DGKB: variants seen among roughly 807,000 people sequenced by gnomAD.
DGKB encodes diacylglycerol kinase beta, also known as 90 kDa diacylglycerol kinase.
DGKB carries 67 observed loss-of-function variants against 114.3 expected under a neutral mutation model. That is an observed-to-expected ratio of 0.59 (90% CI 0.48 to 0.72). DGKB has a LOEUF of 0.72. DGKB is among the 30% of genes least tolerant of loss of function. DGKB has a pLI of 0.00. For missense variants in DGKB, 907 were observed against 975.2 expected (o/e 0.93, Z 0.93); for synonymous variants, 398 against 323.1 (o/e 1.23, Z -2.49).
rs192226517 is a variant in DGKB at position 14,784,813 on chromosome 7, G to A, written c.71-27082C>T. 3.9e-3 allele frequency among the ~76,000 whole-genome samples: 590 copies of A among 150,354 alleles called. 12 individuals carry two copies. The highest frequency in any genetic ancestry group is 2.0e-3 in the Non-Finnish European group (134 of 67,546). ...ACCTGGCTTCATTATTTTACCTCCT[G>A]TGTCAACTGCTGTTTTTTTTTTTAA... is the stretch of plus-strand genomic sequence containing the variant. On this transcript the variant is annotated intron_variant, in intron 2 of 25. Coordinates refer to ENST00000402815, the MANE Select transcript of DGKB (RefSeq NM_001350709.2).
intron 1 of DGKB, among the ~76,000 whole-genome samples, chr7:14,958,901 G>T (rs1291983941): frequency 6.6e-6 from 1 of 151,872 alleles, no homozygotes; most frequent in Non-Finnish European, 1.5e-5. Context: ...GAAAATGACT[G>T]TGTTTATTTC....
At chr7:14,343,199 A>ACACAC (rs1554366272) in intron 22 of DGKB, among the ~76,000 whole-genome samples, 12 of 146,482 alleles carry the variant, frequency 8.2e-5, no homozygotes, top group Non-Finnish European at 1.5e-4. Context: ...ACACACACAC[A>ACACAC]ACAAGATATG....
intron 2 of DGKB, among the ~76,000 whole-genome samples, chr7:14,774,079 C>T (rs1837805917): frequency 6.6e-6 from 1 of 152,056 alleles, no homozygotes; most frequent in Admixed American, 6.6e-5. Context: ...TTTATTCTCA[C>T]TCATAGGCTT....
Position 14,592,596 on chromosome 7 carries a change from G to C in DGKB, c.1434-9459C>G, listed in dbSNP as rs551470535. ...GAAAACCAATTTTTAATAACTTTCA[G>C]CTTATTTATTAATACCCAAACTGTA... On this transcript the variant is annotated intron_variant, in intron 17 of 25. Coordinates refer to ENST00000402815, the MANE Select transcript of DGKB (RefSeq NM_001350709.2). 2.0e-5 allele frequency among the ~76,000 whole-genome samples: 3 copies of C among 151,812 alleles called. No individual in the cohort carries two copies. The South Asian group carries it at 6.2e-4, about 32-fold the overall frequency.
intron 23 of DGKB, among the ~76,000 whole-genome samples, chr7:14,242,941 T>C (rs970733607): frequency 2.0e-5 from 3 of 152,086 alleles, no homozygotes; most frequent in Non-Finnish European, 4.4e-5. Flanking sequence ...ATTTGGACTT[T>C]ATATAAATAG....
At chr7:14,682,723 T>C in intron 11 of DGKB, 30 bp downstream of exon 11, 1 of 1,609,040 alleles carries the variant, frequency 6.2e-7, no homozygotes, top group South Asian at 1.1e-5. Flanking sequence ...AATGGCCACC[T>C]TCAGAAAGCA....
At chr7:14,561,952 GC>G (rs1796717684) in intron 20 of DGKB, among the ~76,000 whole-genome samples, 1 of 152,168 alleles carries the variant, frequency 6.6e-6, no homozygotes, top group African/African-American at 2.4e-5. Flanking sequence ...CATTGTGGCA[GC>G]CCCCCTCATC....
chr7:14,895,428 C>G (rs1432100742), intron 1 of DGKB, among the ~76,000 whole-genome samples: 1 of 151,454 alleles, frequency 6.6e-6, no homozygotes, highest in East Asian at 1.9e-4. Context: ...GGTCCTTATG[C>G]CTCCTGAAAC....
chr7:14,197,853 A>G (rs1228684971), intron 23 of DGKB, among the ~76,000 whole-genome samples: 1 of 152,098 alleles, frequency 6.6e-6, no homozygotes. Flanking sequence ...TCATCGAGTG[A>G]AAAGGTAGGT....
At chr7:14,494,333 A>G (rs935089479) in intron 20 of DGKB, among the ~76,000 whole-genome samples, 1 of 151,988 alleles carries the variant, frequency 6.6e-6, no homozygotes, top group Non-Finnish European at 1.5e-5. Flanking sequence ...ATTTTATAAA[A>G]TGAGATTTTA....
intron 20 of DGKB, among the ~76,000 whole-genome samples, chr7:14,569,238 C>T (rs1798024094): frequency 1.3e-5 from 2 of 152,104 alleles, no homozygotes; most frequent in Admixed American, 1.3e-4. Flanking sequence ...TGCCTCCTCT[C>T]TTTATCCCCC....
At chr7:14,722,043 C>T (rs1434899509) in intron 5 of DGKB, among the ~76,000 whole-genome samples, 1 of 152,150 alleles carries the variant, frequency 6.6e-6, no homozygotes, top group Non-Finnish European at 1.5e-5. Flanking sequence ...ATGCATATTC[C>T]TCCCCACTAC....
chr7:14,365,034 A>T (rs1816422597), intron 21 of DGKB, among the ~76,000 whole-genome samples: 1 of 151,738 alleles, frequency 6.6e-6, no homozygotes, highest in South Asian at 2.1e-4. Context: ...GAAACTTACC[A>T]CTTTCAAATA....
At chr7:14,691,806 G>A (rs1360626847) in intron 9 of DGKB, among the ~76,000 whole-genome samples, 2 of 151,554 alleles carry the variant, frequency 1.3e-5, no homozygotes, top group African/African-American at 2.4e-5. Flanking sequence ...TAAATAAGGT[G>A]CCTCTGCCAT....
At chr7:14,390,162 T>C (rs937594859) in intron 21 of DGKB, among the ~76,000 whole-genome samples, 2 of 152,130 alleles carry the variant, frequency 1.3e-5, no homozygotes, top group Non-Finnish European at 2.9e-5. Flanking sequence ...TACATAAGGG[T>C]ATTTGCTAGA....
intron 1 of DGKB, among the ~76,000 whole-genome samples, chr7:14,843,047 A>G (rs1363093266): frequency 6.6e-6 from 1 of 152,002 alleles, no homozygotes; most frequent in African/African-American, 2.4e-5. Flanking sequence ...ATCTCTACAA[A>G]AAAAACATTA....
chr7:14,226,976 G>T (rs145700115), intron 23 of DGKB, among the ~76,000 whole-genome samples: 1 of 151,948 alleles, frequency 6.6e-6, no homozygotes, highest in Non-Finnish European at 1.5e-5. Flanking sequence ...GGGCTCAAGC[G>T]ATCTTCTCAC....
chr7:14,168,901 G>T (rs1780381537), intron 25 of DGKB, among the ~76,000 whole-genome samples: 1 of 152,164 alleles, frequency 6.6e-6, no homozygotes, highest in Non-Finnish European at 1.5e-5. Context: ...TTTATTTTTA[G>T]TATGTATGTA....
intron 20 of DGKB, among the ~76,000 whole-genome samples, chr7:14,505,125 G>T (rs553597599): frequency 1.3e-5 from 2 of 152,242 alleles, no homozygotes; most frequent in Non-Finnish European, 2.9e-5. Context: ...TATGCAGTTT[G>T]TGTTCTTAAG....
Sources: gnomAD v4.1 joint callset for allele counts (sites outside exome capture counted in the v4.1 genomes callset) on GRCh38, gnomAD v4.1.1 for gene constraint, MANE v1.5 for transcripts, NCBI Gene and HGNC (gene_info 2026-07-23, HGNC 2026-07-21) for gene names.